Variants in BLTP1 observed in about 807,000 individuals in gnomAD.
BLTP1 encodes the protein bridge-like lipid transfer protein family member 1.
chr4:122,191,862 T>C, the BLTP1 span, among the ~76,000 whole-genome samples: 1 of 152,072 alleles, frequency 6.6e-6, no homozygotes, highest in Non-Finnish European at 1.5e-5. Flanking sequence ...ATTAGAGATT[T>C]GCCAAAAAAA....
chr4:122,180,186 G>T, the BLTP1 span: 1 of 984,880 alleles, frequency 1.0e-6, no homozygotes, highest in African/African-American at 1.7e-5. Context: ...TCCCTGTAAC[G>T]TCATTTACTA....
At chr4:122,335,811 C>T in the BLTP1 span, among the ~76,000 whole-genome samples, 34 of 152,186 alleles carry the variant, frequency 2.2e-4, no homozygotes, top group South Asian at 3.7e-3. Flanking sequence ...ATTATAAATA[C>T]ATGCAAGCTA....
the BLTP1 span, chr4:122,189,183 GATT>G: frequency 1.3e-6 from 1 of 797,962 alleles, no homozygotes; most frequent in Non-Finnish European, 1.5e-6. Context: ...TAAGTGTGGA[GATT>G]ACATGATGAT....
At chr4:122,235,959 T>G in the BLTP1 span, among the ~76,000 whole-genome samples, 1 of 152,252 alleles carries the variant, frequency 6.6e-6, no homozygotes, top group Non-Finnish European at 1.5e-5. Flanking sequence ...CTGGATTTTT[T>G]TAGTTCTGTG....
At chr4:122,299,798 A>C in the BLTP1 span, 2 of 984,618 alleles carry the variant, frequency 2.0e-6, no homozygotes, top group Non-Finnish European at 2.4e-6. Context: ...GATGAGGCTT[A>C]GGTAAGGGAT....
the BLTP1 span, chr4:122,255,193 T>C: frequency 6.2e-7 from 1 of 1,612,774 alleles, no homozygotes; most frequent in Non-Finnish European, 8.5e-7. Flanking sequence ...TTGCTCGCTT[T>C]CTCCAAGAAA....
At chr4:122,316,226 G>T in the BLTP1 span, 1 of 353,086 alleles carries the variant, frequency 2.8e-6, no homozygotes. Flanking sequence ...CTTATTCTTT[G>T]ATTTCATTCT....
the BLTP1 span, among the ~76,000 whole-genome samples, chr4:122,201,620 AT>A: frequency 3.3e-4 from 51 of 152,316 alleles, no homozygotes; most frequent in East Asian, 9.3e-3. Context: ...TTCTTGCAGC[AT>A]TTATTGATAG....
the BLTP1 span, among the ~76,000 whole-genome samples, chr4:122,168,189 T>C: frequency 6.6e-6 from 1 of 152,242 alleles, no homozygotes; most frequent in East Asian, 1.9e-4. Context: ...TGGGAAATAT[T>C]GATTGAAACT....
the BLTP1 span, chr4:122,192,165 CT>C: frequency 6.4e-7 from 1 of 1,555,120 alleles, no homozygotes; most frequent in Non-Finnish European, 8.7e-7. Context: ...AGCTACTGAT[CT>C]AAGGAAACTT....
chr4:122,227,229 C>G, the BLTP1 span: 1 of 990,210 alleles, frequency 1.0e-6, no homozygotes. Flanking sequence ...TGCCGTTTCT[C>G]CCATAATGTA....
the BLTP1 span, chr4:122,189,712 A>AT: frequency 5.5e-6 from 5 of 906,290 alleles, no homozygotes; most frequent in South Asian, 2.5e-4. Context: ...ATAAAACTAA[A>AT]TTTTTTCTTT....
At chr4:122,270,431 A>G in the BLTP1 span, 7 of 797,178 alleles carry the variant, frequency 8.8e-6, no homozygotes, top group Non-Finnish European at 1.1e-5. Context: ...GACTTTCTAT[A>G]TTAAAATTTA....
the BLTP1 span, chr4:122,152,972 G>C: frequency 1.1e-5 from 11 of 985,176 alleles, no homozygotes; most frequent in South Asian, 1.9e-4. Flanking sequence ...ATATAGGGTC[G>C]GTTGACCGAG....
the BLTP1 span, chr4:122,227,349 A>G: frequency 1.0e-6 from 1 of 985,522 alleles, no homozygotes; most frequent in Non-Finnish European, 1.2e-6. Flanking sequence ...CAAGGGTTGC[A>G]AAAAGTAGAT....
At chr4:122,254,629 A>G in the BLTP1 span, 1 of 775,484 alleles carries the variant, frequency 1.3e-6, no homozygotes, top group Non-Finnish European at 1.4e-6. Context: ...TTTCTTTTCT[A>G]TTGTCCATTT....
the BLTP1 span, among the ~76,000 whole-genome samples, chr4:122,216,568 G>A: frequency 6.6e-6 from 1 of 152,098 alleles, no homozygotes; most frequent in Non-Finnish European, 1.5e-5. Flanking sequence ...CTTCTTTTGA[G>A]AAATGTCTAT....
At chr4:122,178,283 C>A in the BLTP1 span, 1 of 361,980 alleles carries the variant, frequency 2.8e-6, no homozygotes, top group Non-Finnish European at 3.8e-6. Context: ...TTCAAATTTA[C>A]ATAAGCAATA....
the BLTP1 span, chr4:122,251,272 A>G: frequency 1.0e-6 from 1 of 959,692 alleles, no homozygotes; most frequent in Non-Finnish European, 1.2e-6. Context: ...GAATGTAGTA[A>G]CTGTTGTTCT....
Sources: allele counts gnomAD v4.1 joint callset (sites outside exome capture counted in the v4.1 genomes callset), GRCh38; gene constraint gnomAD v4.1.1; transcripts MANE v1.5; gene names NCBI Gene and HGNC (gene_info 2026-07-23, HGNC 2026-07-21).